The following PLCXD3 variants were observed in gnomAD, a reference collection of about 807,000 sequenced individuals.
PLCXD3 encodes PI-PLC X domain-containing protein 3.
In PLCXD3, 19 loss-of-function variants were observed where a neutral mutation model predicts 25.5. That is an observed-to-expected ratio of 0.75 (90% confidence interval 0.52 to 1.09). The LOEUF (loss-of-function observed/expected upper bound fraction) is 1.09, where lower values mean the gene tolerates loss of function less well. Ranked by LOEUF, PLCXD3 falls within the 50% of genes least tolerant of loss-of-function variation. The pLI is 0.00. For missense variants in PLCXD3, 411 were observed against 388.1 expected, an observed-to-expected ratio of 1.06 and a Z score of -0.50; for synonymous variants, 174 against 137.6, an observed-to-expected ratio of 1.26 and a Z score of -1.85.
chr5:41,510,543 C>T lies in PLCXD3; in HGVS notation c.-17G>A. The stretch of plus-strand genomic sequence containing the variant: ...CGAGGCCATCGTGCCAGTCGGCGTG[C>T]AGCGCGCTGGTCCCAGCACTCCTCG... On this transcript the variant is annotated 5_prime_UTR_variant, in exon 1 of 3. Transcript: ENST00000377801. 1 of 1,606,984 alleles carries T rather than the reference C, an allele frequency of 6.2e-7. No homozygotes were observed. Among genetic ancestry groups the T allele is most frequent in the Non-Finnish European group, 8.5e-7 (1 of 1,174,576 alleles).
chr5:41,488,986 A>C, intron 1 of PLCXD3, among the ~76,000 whole-genome samples: 1 of 151,620 alleles, frequency 6.6e-6, no homozygotes, highest in Non-Finnish European at 1.5e-5. Flanking sequence ...TTGGTGTTTT[A>C]GACATGAAGT....
chr5:41,500,239 G>GC (rs1748924059), intron 1 of PLCXD3, among the ~76,000 whole-genome samples: 1 of 151,870 alleles, frequency 6.6e-6, no homozygotes, highest in African/African-American at 2.4e-5. Flanking sequence ...ATAATATTCA[G>GC]CCACAAAAAA....
At chr5:41,462,219 A>T (rs1304107569) in intron 1 of PLCXD3, among the ~76,000 whole-genome samples, 5 of 152,076 alleles carry the variant, frequency 3.3e-5, no homozygotes, top group African/African-American at 1.2e-4. Flanking sequence ...GGGTCATTTT[A>T]TCACAAGCAA....
Position 41,381,818 on chromosome 5 carries a change from A to G in PLCXD3, c.812+8T>C, listed in dbSNP as rs186535911. The G allele has an allele frequency of 2.5e-6, 4 of 1,590,114 alleles. No homozygotes were observed. In the East Asian group the frequency reaches 9.0e-5, roughly 36 times the overall value. On this transcript the variant is annotated splice_region_variant and intron_variant, in intron 2 of 2. Coordinates refer to ENST00000377801, the MANE Select transcript of PLCXD3 (RefSeq NM_001005473.3). The stretch of plus-strand genomic sequence containing the variant: ...GAGGTTTCCCCCTGACATTTTAAAG[A>G]CACTTACCTTTCTGTGATTGTTTCT...
chr5:41,390,653 T>A (rs1580344721), intron 1 of PLCXD3, among the ~76,000 whole-genome samples: 1 of 152,014 alleles, frequency 6.6e-6, no homozygotes, highest in Admixed American at 6.6e-5. Flanking sequence ...AGCAAGAGGG[T>A]GGAATAGAAG....
At position 41,381,817 on chromosome 5, in the gene PLCXD3, G is replaced by C. The variant is rs1389756389; in HGVS notation, c.812+9C>G. ...TGAGGTTTCCCCCTGACATTTTAAA[G>C]ACACTTACCTTTCTGTGATTGTTTC... On this transcript the variant is annotated intron_variant, in intron 2 of 2. Transcript: ENST00000377801. 3 of 1,584,158 alleles carry C rather than the reference G, an allele frequency of 1.9e-6. No homozygotes were observed. The highest frequency in any genetic ancestry group is 2.6e-6 in the Non-Finnish European group (3 of 1,166,646).
intron 2 of PLCXD3, among the ~76,000 whole-genome samples, chr5:41,333,676 T>C (rs1010626395): frequency 1.3e-5 from 2 of 151,956 alleles, no homozygotes; most frequent in Admixed American, 6.6e-5. Flanking sequence ...AATTAAGTCA[T>C]ATGAATTATC....
chr5:41,321,070 T>C (rs1355232669), intron 2 of PLCXD3, among the ~76,000 whole-genome samples: 1 of 152,196 alleles, frequency 6.6e-6, no homozygotes, highest in East Asian at 1.9e-4. Context: ...ACTGCTGTTA[T>C]TCAAAATAGT....
chr5:41,403,408 T>TTTTTTTTTTTTTTTTTTTATTTTTA (rs1554047966), intron 1 of PLCXD3, among the ~76,000 whole-genome samples: 1 of 26,230 alleles, frequency 3.8e-5, no homozygotes, highest in Non-Finnish European at 9.4e-5. Context: ...GTTGTTTTTT[T>TTTTTTTTTTTTTTTTTTTATTTTTA]TTTTTTTTAT....
At chr5:41,470,864 G>A (rs765683994) in intron 1 of PLCXD3, among the ~76,000 whole-genome samples, 8 of 152,240 alleles carry the variant, frequency 5.3e-5, no homozygotes, top group Admixed American at 3.3e-4. Context: ...CTGATCTGCC[G>A]GCAGTGAGTC....
intron 1 of PLCXD3, among the ~76,000 whole-genome samples, chr5:41,491,284 C>G (rs190868054): frequency 6.6e-6 from 1 of 152,326 alleles, no homozygotes; most frequent in East Asian, 1.9e-4. Flanking sequence ...TTTGATTGCA[C>G]TGTGGTCTGA....
chr5:41,392,097 C>T (rs1745843878), intron 1 of PLCXD3, among the ~76,000 whole-genome samples: 1 of 152,178 alleles, frequency 6.6e-6, no homozygotes, highest in Non-Finnish European at 1.5e-5. Flanking sequence ...TTGGACAGCA[C>T]TTCTGGACCT....
rs1477867053 is a variant in PLCXD3 at position 41,309,954 on chromosome 5, T to C, written c.*3663A>G. On this transcript the variant is annotated 3_prime_UTR_variant, in exon 3 of 3. Transcript: ENST00000377801. ...GAAACAGCAATAGACTCAGATTGAT[T>C]AGAGTGCAGTTTCAACTTGAATAAT... The C allele has an allele frequency of 6.6e-6, 1 of 152,164 alleles. No individual in the cohort carries two copies. Among genetic ancestry groups the C allele is most frequent in the Non-Finnish European group, 1.5e-5 (1 of 68,018 alleles). 9.4% of individuals were successfully genotyped at this position (152,164 alleles called of 1,614,324 possible). A position where few individuals can be genotyped will look rare whatever the true frequency, so the allele number is the denominator to read the frequency against.
intron 2 of PLCXD3, among the ~76,000 whole-genome samples, chr5:41,357,002 T>G (rs982248232): frequency 6.6e-6 from 1 of 152,214 alleles, no homozygotes; most frequent in African/African-American, 2.4e-5. Flanking sequence ...TAGATGCAAC[T>G]TAATGAACCA....
At chr5:41,465,210 T>C (rs1747985278) in intron 1 of PLCXD3, among the ~76,000 whole-genome samples, 2 of 152,094 alleles carry the variant, frequency 1.3e-5, no homozygotes, top group East Asian at 3.9e-4. Context: ...CTGGGTTTCT[T>C]GCATGTAAAG....
intron 1 of PLCXD3, among the ~76,000 whole-genome samples, chr5:41,399,542 A>T (rs779774039): frequency 2.0e-5 from 3 of 151,888 alleles, no homozygotes; most frequent in Non-Finnish European, 4.4e-5. Context: ...ACAACTCCAC[A>T]CTCCCACATT....
At chr5:41,441,213 T>C (rs1472418279) in intron 1 of PLCXD3, among the ~76,000 whole-genome samples, 1 of 152,118 alleles carries the variant, frequency 6.6e-6, no homozygotes, top group Non-Finnish European at 1.5e-5. Context: ...TAAGAAGACT[T>C]GTAATGAAAA....
chr5:41,448,979 C>T (rs1034133298), intron 1 of PLCXD3, among the ~76,000 whole-genome samples: 1 of 152,182 alleles, frequency 6.6e-6, no homozygotes, highest in South Asian at 2.1e-4. Context: ...TCCCTTTCTG[C>T]ACCTGCAAAA....
Position 41,361,333 on chromosome 5 carries a change from T to A in PLCXD3, c.812+20493A>T, listed in dbSNP as rs145108082. 2.7e-3 allele frequency among the ~76,000 whole-genome samples: 404 copies of A among 152,320 alleles called. 1 individual carries two copies. The highest frequency in any genetic ancestry group is 6.3e-3 in the Admixed American group (96 of 15,300). On this transcript the variant is annotated intron_variant, in intron 2 of 2. Coordinates refer to ENST00000377801, the MANE Select transcript of PLCXD3 (RefSeq NM_001005473.3). ...GAGAATTTGCCCCATACCATGAGCT[T>A]CCCTGCTGAGAAAGCAGGCAGACCC...
Sources: allele counts gnomAD v4.1 joint callset (sites outside exome capture counted in the v4.1 genomes callset), GRCh38; gene constraint gnomAD v4.1.1; transcripts MANE v1.5; gene names NCBI Gene and HGNC (gene_info 2026-07-23, HGNC 2026-07-21).